The following UNC5C variants were observed in gnomAD, a reference collection of about 807,000 sequenced individuals.
The protein encoded by UNC5C is unc-5 netrin receptor C.
In UNC5C, 47 loss-of-function variants were observed where a neutral mutation model predicts 99.8. The observed-to-expected ratio is 0.47, with a 90% CI of 0.37 to 0.60. The LOEUF (loss-of-function observed/expected upper bound fraction) is 0.60, where lower values mean the gene tolerates loss of function less well. UNC5C is among the 20% of genes least tolerant of loss of function. UNC5C has a pLI of 0.00. For synonymous variants in UNC5C, 487 were observed against 452.2 expected (o/e 1.08, Z -0.98); for missense variants, 1,062 against 1,165.9 (o/e 0.91, Z 1.30).
intron 1 of UNC5C, among the ~76,000 whole-genome samples, chr4:95,438,793 C>T (rs1009265853): frequency 1.3e-5 from 2 of 152,098 alleles, no homozygotes; most frequent in African/African-American, 4.8e-5. Flanking sequence ...GTGTGCATTC[C>T]TAAACAGCTG....
chr4:95,460,471 C>T (rs1482051971), intron 1 of UNC5C, among the ~76,000 whole-genome samples: 2 of 152,118 alleles, frequency 1.3e-5, no homozygotes, highest in African/African-American at 4.8e-5. Flanking sequence ...TGGGAGATAA[C>T]TGAATACTGG....
At chr4:95,177,874 C>CTTT (rs34351357) in intron 14 of UNC5C, among the ~76,000 whole-genome samples, 14,726 of 146,718 alleles carry the variant, frequency 0.1, 984 homozygotes, top group Non-Finnish European at 0.14. Context: ...GCTAATTTGC[C>CTTT]TTTTTTTTTT....
In UNC5C at chr4:95,202,897, C is replaced by G; in HGVS notation, c.1970G>C (p.Cys657Ser). The change falls in exon 12 of 16, where the codon TGC becomes TCC. Residue 657 changes from cysteine to serine, a missense_variant. By Grantham distance (112) the Cys-to-Ser change is moderately radical (BLOSUM62 -1). Around this residue, in one of 3 missense-constraint regions of UNC5C, gnomAD observed 810 missense variants for 854.5 expected, o/e 0.95. Transcript: ENST00000453304. ...PCYIQLDAEA[C>S]HILTENLSTY... ...GCTGAGGTTCTCTGTGAGGATGTGG[C>G]AGGCCTCTGCATCCAGCTGAATGTA... The G allele has an allele frequency of 6.2e-7, 1 of 1,614,200 alleles. No homozygotes were observed. Among genetic ancestry groups the G allele is most frequent in the East Asian group, 2.2e-5 (1 of 44,870 alleles).
At chr4:95,400,828 C>G (rs1415797748) in intron 1 of UNC5C, among the ~76,000 whole-genome samples, 1 of 152,182 alleles carries the variant, frequency 6.6e-6, no homozygotes, top group Non-Finnish European at 1.5e-5. Context: ...CTGTGAGACC[C>G]AGGTAAGCCC....
intron 1 of UNC5C, among the ~76,000 whole-genome samples, chr4:95,452,448 GT>G (rs1204738936): frequency 1.3e-5 from 2 of 152,064 alleles, no homozygotes; most frequent in African/African-American, 4.8e-5. Flanking sequence ...ACCACGGAGG[GT>G]TTCACCAGGG....
At chr4:95,373,620 G>A (rs780690811) in intron 1 of UNC5C, among the ~76,000 whole-genome samples, 45 of 151,974 alleles carry the variant, frequency 3.0e-4, no homozygotes, top group Middle Eastern at 3.2e-3. Flanking sequence ...TTTGTTTCGC[G>A]GCTGTATCCT....
chr4:95,287,306 A>C (rs1460576408), intron 3 of UNC5C, among the ~76,000 whole-genome samples: 2 of 152,230 alleles, frequency 1.3e-5, no homozygotes, highest in African/African-American at 4.8e-5. Context: ...AATAAATGTA[A>C]ACCAATAGCA....
At chr4:95,547,837 G>T (rs1464250475) in intron 1 of UNC5C, among the ~76,000 whole-genome samples, 1 of 152,222 alleles carries the variant, frequency 6.6e-6, no homozygotes, top group African/African-American at 2.4e-5. Flanking sequence ...CGGGCGATCA[G>T]CTCCGGAGCC....
At chr4:95,315,638 G>A (rs188294509) in intron 2 of UNC5C, among the ~76,000 whole-genome samples, 2 of 152,258 alleles carry the variant, frequency 1.3e-5, no homozygotes, top group East Asian at 3.9e-4. Context: ...ACTAGAAGAA[G>A]AACAGGAAAG....
intron 1 of UNC5C, among the ~76,000 whole-genome samples, chr4:95,411,059 G>A (rs1745972423): frequency 6.6e-6 from 1 of 152,152 alleles, no homozygotes; most frequent in African/African-American, 2.4e-5. Flanking sequence ...TTCAGCAGGG[G>A]AAGCTGATGA....
chr4:95,411,081 T>C (rs1380180255), intron 1 of UNC5C, among the ~76,000 whole-genome samples: 1 of 152,136 alleles, frequency 6.6e-6, no homozygotes, highest in African/African-American at 2.4e-5. Flanking sequence ...CCAAAAGAAA[T>C]TATTTTCTTA....
chr4:95,351,705 A>G (rs1269124277), intron 1 of UNC5C, among the ~76,000 whole-genome samples: 1 of 152,076 alleles, frequency 6.6e-6, no homozygotes, highest in African/African-American at 2.4e-5. Flanking sequence ...TAAAAATTAA[A>G]AAAAATATGT....
At chr4:95,437,513 G>T (rs535078666) in intron 1 of UNC5C, among the ~76,000 whole-genome samples, 1 of 152,044 alleles carries the variant, frequency 6.6e-6, no homozygotes, top group East Asian at 1.9e-4. Context: ...AATTTTATAA[G>T]AGATGCTGAA....
intron 1 of UNC5C, among the ~76,000 whole-genome samples, chr4:95,458,082 C>G (rs1747496145): frequency 2.0e-5 from 3 of 152,066 alleles, no homozygotes. Context: ...TTTCCTCCGT[C>G]ACTTAAATTT....
At chr4:95,262,497 A>T (rs1446743811) in intron 4 of UNC5C, among the ~76,000 whole-genome samples, 1 of 152,162 alleles carries the variant, frequency 6.6e-6, no homozygotes, top group African/African-American at 2.4e-5. Context: ...ACTAGGCTAA[A>T]TGAGCTACCT....
Position 95,170,826 on chromosome 4 carries a change from A to T in UNC5C, c.2452-494T>A, listed in dbSNP as rs377579822. 2.0e-5 allele frequency among the ~76,000 whole-genome samples: 3 copies of T among 152,358 alleles called. No individual in the cohort carries two copies. The East Asian group carries it at 5.8e-4, about 29-fold the overall frequency. ...CAGTAGTTCTGCTAAACTCCACAGA[A>T]GATGTCTCAGTTCTGCTTTTGTTGA... On this transcript the variant is annotated intron_variant, in intron 14 of 15. Coordinates refer to ENST00000453304, the MANE Select transcript of UNC5C (RefSeq NM_003728.4).
chr4:95,454,652 C>T (rs1190918659), intron 1 of UNC5C, among the ~76,000 whole-genome samples: 1 of 151,958 alleles, frequency 6.6e-6, no homozygotes, highest in Non-Finnish European at 1.5e-5. Flanking sequence ...GGAAATGATA[C>T]ACTGAGGAAG....
intron 2 of UNC5C, among the ~76,000 whole-genome samples, chr4:95,307,413 G>A (rs10023581): frequency 0.13 from 20,432 of 151,972 alleles, 1,558 homozygotes; most frequent in African/African-American, 0.19. Flanking sequence ...TGTAAGAAAC[G>A]CAACACTTAC....
chr4:95,547,403 C>G (rs1454263320), intron 1 of UNC5C, among the ~76,000 whole-genome samples: 1 of 152,156 alleles, frequency 6.6e-6, no homozygotes, highest in African/African-American at 2.4e-5. Context: ...ATCCCCACCC[C>G]CAGCGCCTCT....
Sources: gnomAD v4.1 joint callset for allele counts (sites outside exome capture counted in the v4.1 genomes callset) on GRCh38, gnomAD v4.1.1 for gene constraint, gnomAD v4.1.1 regional missense constraint, MANE v1.5 for transcripts, NCBI Gene and HGNC (gene_info 2026-07-23, HGNC 2026-07-21) for gene names.